Variants in SLC35F4 observed in about 807,000 individuals in gnomAD.
The protein encoded by SLC35F4 is solute carrier family 35 member F4, also known as chromosome 14 open reading frame 36.
In SLC35F4, 24 loss-of-function variants were observed where a neutral mutation model predicts 44.2. The ratio of observed to expected loss-of-function variants is 0.54; its 90% confidence interval spans 0.39 to 0.76. The LOEUF is 0.76. Ranked by LOEUF, SLC35F4 falls within the 30% of genes least tolerant of loss-of-function variation. The pLI, the probability that SLC35F4 is intolerant of heterozygous loss-of-function variation, is 0.00. For missense variants in SLC35F4, 562 were observed against 586.1 expected, an observed-to-expected ratio of 0.96 and a Z score of 0.42; for synonymous variants, 238 against 223.6, an observed-to-expected ratio of 1.06 and a Z score of -0.57.
At chr14:57,840,723 A>G (rs1191076175) in intron 1 of SLC35F4, among the ~76,000 whole-genome samples, 2 of 152,190 alleles carry the variant, frequency 1.3e-5, no homozygotes, top group Non-Finnish European at 2.9e-5. Flanking sequence ...TTTGGTGTCA[A>G]TATTTCTCAA....
At chr14:57,849,102 A>G (rs1886299797) in intron 1 of SLC35F4, among the ~76,000 whole-genome samples, 1 of 152,242 alleles carries the variant, frequency 6.6e-6, no homozygotes, top group African/African-American at 2.4e-5. Flanking sequence ...CTCACAGATT[A>G]TAAACAGTTT....
At chr14:57,849,182 A>G (rs917369226) in intron 1 of SLC35F4, among the ~76,000 whole-genome samples, 2 of 152,100 alleles carry the variant, frequency 1.3e-5, no homozygotes, top group African/African-American at 4.8e-5. Flanking sequence ...ACTGACTAAC[A>G]ATTTTGTTGT....
At chr14:57,853,074 C>T (rs943724683) in intron 1 of SLC35F4, among the ~76,000 whole-genome samples, 2 of 152,150 alleles carry the variant, frequency 1.3e-5, no homozygotes, top group African/African-American at 2.4e-5. Context: ...TACATTGAAT[C>T]GGAAAGACCT....
At chr14:57,915,515 A>T (rs1889309978) in intron 1 of SLC35F4, among the ~76,000 whole-genome samples, 1 of 152,008 alleles carries the variant, frequency 6.6e-6, no homozygotes, top group Non-Finnish European at 1.5e-5. Flanking sequence ...TTCACATCTC[A>T]CTATATGTGG....
rs752441827 is a variant in SLC35F4, at chr14:57,702,335, A to AAC, written c.104-108212_104-108211insGT. ...CCAAATAAATATCATTTTCTTTAAAAAAAAAAAAAAAAAAAGGAAAACAGG... is the reference window on the plus strand; with the variant it reads ...CCAAATAAATATCATTTTCTTTAAAAACAAAAAAAAAAAAAAAGGAAAACAGG... On this transcript the variant is annotated intron_variant, in intron 1 of 7. Transcript: ENST00000556826. Among the ~76,000 whole-genome samples, 17 of 88,426 alleles carry AAC rather than the reference A, an allele frequency of 1.9e-4. 1 individual carries two copies. The highest frequency in any genetic ancestry group is 3.8e-4 in the East Asian group (1 of 2,612). 58.0% of individuals were successfully genotyped at this position (88,426 alleles called of 152,430 possible).
intron 1 of SLC35F4, among the ~76,000 whole-genome samples, chr14:57,658,240 T>A (rs1445404300): frequency 6.6e-6 from 1 of 152,206 alleles, no homozygotes; most frequent in Non-Finnish European, 1.5e-5. Context: ...ACATTGATAC[T>A]ATTTTTCAGA....
intron 1 of SLC35F4, among the ~76,000 whole-genome samples, chr14:57,958,890 G>A (rs570696662): frequency 3.3e-5 from 5 of 152,320 alleles, no homozygotes; most frequent in Admixed American, 1.3e-4. Context: ...TAGAGAGAGG[G>A]TTACAAAAGT....
intron 1 of SLC35F4, among the ~76,000 whole-genome samples, chr14:57,612,957 T>C (rs2071599670): frequency 6.6e-6 from 1 of 152,212 alleles, no homozygotes; most frequent in Admixed American, 6.5e-5. Context: ...AAGAGCTGCC[T>C]CACATTTGCA....
intron 1 of SLC35F4, among the ~76,000 whole-genome samples, chr14:57,763,615 T>G (rs913535123): frequency 1.3e-5 from 2 of 152,166 alleles, no homozygotes; most frequent in Non-Finnish European, 2.9e-5. Flanking sequence ...AAGTGGTGCC[T>G]GAAACACAGA....
intron 1 of SLC35F4, among the ~76,000 whole-genome samples, chr14:57,964,641 T>G (rs1160620891): frequency 1.3e-5 from 2 of 152,106 alleles, no homozygotes; most frequent in African/African-American, 2.4e-5. Flanking sequence ...GAGCCTTTTT[T>G]ATTCTCTGTG....
intron 1 of SLC35F4, among the ~76,000 whole-genome samples, chr14:57,701,335 C>T (rs2075533833): frequency 6.6e-6 from 1 of 152,046 alleles, no homozygotes; most frequent in African/African-American, 2.4e-5. Flanking sequence ...TTCTGAAATA[C>T]CTCCTGAAAG....
chr14:57,880,346 C>T (rs551814179), intron 1 of SLC35F4, among the ~76,000 whole-genome samples: 1 of 152,184 alleles, frequency 6.6e-6, no homozygotes, highest in Admixed American at 6.5e-5. Flanking sequence ...GAGGGCTTCT[C>T]CTCAACTTAA....
chr14:57,695,272 C>G (rs1414746069), intron 1 of SLC35F4, among the ~76,000 whole-genome samples: 1 of 152,018 alleles, frequency 6.6e-6, no homozygotes, highest in Non-Finnish European at 1.5e-5. Flanking sequence ...ACCTACTCAT[C>G]TGACAAACGG....
At chr14:57,770,568 A>C (rs563757340) in intron 1 of SLC35F4, among the ~76,000 whole-genome samples, 1 of 152,022 alleles carries the variant, frequency 6.6e-6, no homozygotes, top group South Asian at 2.1e-4. Flanking sequence ...CAGGGCTTAA[A>C]CTCTTGGACT....
intron 1 of SLC35F4, among the ~76,000 whole-genome samples, chr14:57,781,949 A>G (rs2075940187): frequency 6.6e-6 from 1 of 152,156 alleles, no homozygotes; most frequent in Non-Finnish European, 1.5e-5. Flanking sequence ...AGCAGAAAAA[A>G]TAACTATTGG....
chr14:57,676,256 A>C (rs1394533852), intron 1 of SLC35F4, among the ~76,000 whole-genome samples: 4 of 152,174 alleles, frequency 2.6e-5, no homozygotes, highest in Admixed American at 2.6e-4. Context: ...AGCCATAAAA[A>C]GGAACTAGAT....
chr14:57,929,201 G>A (rs894230754), intron 1 of SLC35F4, among the ~76,000 whole-genome samples: 2 of 152,088 alleles, frequency 1.3e-5, no homozygotes, highest in African/African-American at 4.8e-5. Flanking sequence ...CTCAATGGCT[G>A]GCCAAACAAA....
At chr14:57,856,368 T>TTTGCCTAGG (rs1887090642) in intron 1 of SLC35F4, among the ~76,000 whole-genome samples, 1 of 152,018 alleles carries the variant, frequency 6.6e-6, no homozygotes, top group Non-Finnish European at 1.5e-5. Flanking sequence ...ACCTAGGTCT[T>TTTGCCTAGG]TCTGTTGCCA....
At chr14:57,863,256 G>T (rs1041313373) in intron 1 of SLC35F4, among the ~76,000 whole-genome samples, 1 of 152,092 alleles carries the variant, frequency 6.6e-6, no homozygotes, top group African/African-American at 2.4e-5. Flanking sequence ...ATGCCCTATT[G>T]CCCATTAAAG....
Sources: allele counts gnomAD v4.1 joint callset (sites outside exome capture counted in the v4.1 genomes callset), GRCh38; gene constraint gnomAD v4.1.1; transcripts MANE v1.5; gene names NCBI Gene and HGNC (gene_info 2026-07-23, HGNC 2026-07-21).